Variants in NALCN observed in about 807,000 individuals in gnomAD.
The protein encoded by NALCN is sodium leak channel NALCN.
Under a neutral mutation model 225.3 loss-of-function variants are expected in NALCN, and 111 were observed. The observed-to-expected ratio is 0.49, with a 90% CI of 0.42 to 0.58. The LOEUF (loss-of-function observed/expected upper bound fraction) is 0.58, where lower values mean the gene tolerates loss of function less well. Among genes scored for constraint, NALCN ranks in the 20% least tolerant of loss-of-function variants. The probability of loss-of-function intolerance (pLI) is 0.00; values close to 1 mark genes in which losing one functional copy is unlikely to be tolerated. For missense variants in NALCN, 1,378 were observed against 2,202.4 expected (o/e 0.63, Z 7.49); for synonymous variants, 764 against 769.0 (o/e 0.99, Z 0.11).
At chr13:101,319,267 A>G (rs1257760510) in intron 7 of NALCN, among the ~76,000 whole-genome samples, 2 of 152,150 alleles carry the variant, frequency 1.3e-5, no homozygotes, top group African/African-American at 2.4e-5. Flanking sequence ...GAACCTCATT[A>G]TCAGGACCTC....
chr13:101,065,634 A>T, intron 39 of NALCN, 73 bp from the exon 40 acceptor site: 2 of 1,544,512 alleles, frequency 1.3e-6, no homozygotes, highest in Non-Finnish European at 1.7e-6. Flanking sequence ...AAAAGAAAAA[A>T]AAAAAGGTGC....
At chr13:101,191,895 G>GAAA in intron 14 of NALCN, 22 bp downstream of exon 14, 1 of 1,568,378 alleles carries the variant, frequency 6.4e-7, no homozygotes, top group Non-Finnish European at 8.6e-7. Context: ...AGATATAATT[G>GAAA]AAAAAAAAAT....
intron 31 of NALCN, 139 bp downstream of exon 31, chr13:101,083,572 G>A: frequency 1.3e-6 from 1 of 760,160 alleles, no homozygotes; most frequent in Non-Finnish European, 2.1e-6. Context: ...GAGATCTGTG[G>A]TTTGGAGCCT....
intron 11 of NALCN, among the ~76,000 whole-genome samples, chr13:101,249,020 C>G (rs977178227): frequency 1.3e-5 from 2 of 152,062 alleles, no homozygotes; most frequent in African/African-American, 4.8e-5. Context: ...TAAGGGTAAT[C>G]TTGTAGAGGA....
intron 17 of NALCN, among the ~76,000 whole-genome samples, chr13:101,131,913 A>G (rs887949357): frequency 4.6e-5 from 7 of 152,044 alleles, no homozygotes; most frequent in Admixed American, 3.9e-4. Context: ...TTGAATTTTA[A>G]AGTAGATTTA....
chr13:101,406,268 A>G (rs988988776), intron 1 of NALCN, among the ~76,000 whole-genome samples: 6 of 152,010 alleles, frequency 3.9e-5, no homozygotes, highest in African/African-American at 1.2e-4. Flanking sequence ...AGAGGCTGCA[A>G]TGAGCCAAGA....
At chr13:101,109,243 T>C (rs910355670) in intron 20 of NALCN, among the ~76,000 whole-genome samples, 18 of 152,308 alleles carry the variant, frequency 1.2e-4, no homozygotes, top group African/African-American at 3.6e-4. Flanking sequence ...TTGGATTTGA[T>C]GGCAATTCTA....
chr13:101,326,982 G>T (rs2044977023), intron 7 of NALCN, among the ~76,000 whole-genome samples: 1 of 152,182 alleles, frequency 6.6e-6, no homozygotes, highest in African/African-American at 2.4e-5. Context: ...GAGCCGCAGG[G>T]CCTCGTGGGA....
intron 7 of NALCN, among the ~76,000 whole-genome samples, chr13:101,336,059 T>C (rs957788140): frequency 3.3e-5 from 5 of 152,054 alleles, no homozygotes; most frequent in Non-Finnish European, 7.4e-5. Flanking sequence ...ATAAAAATAA[T>C]AGAATACTAA....
intron 10 of NALCN, among the ~76,000 whole-genome samples, chr13:101,268,593 C>T (rs950902551): frequency 2.6e-5 from 4 of 152,112 alleles, no homozygotes; most frequent in Non-Finnish European, 5.9e-5. Flanking sequence ...AATCATAATG[C>T]CATGGCAGTC....
intron 7 of NALCN, among the ~76,000 whole-genome samples, chr13:101,340,978 T>C (rs1455769153): frequency 2.0e-5 from 3 of 152,190 alleles, no homozygotes; most frequent in Non-Finnish European, 4.4e-5. Flanking sequence ...TCTCATCTCA[T>C]GACAAGTATG....
At chr13:101,306,689 C>T (rs1173972606) in intron 7 of NALCN, among the ~76,000 whole-genome samples, 1 of 152,190 alleles carries the variant, frequency 6.6e-6, no homozygotes, top group Non-Finnish European at 1.5e-5. Flanking sequence ...TCATGAATTG[C>T]TGTGGGTCAG....
At chr13:101,114,789 T>C (rs1360004593) in intron 18 of NALCN, among the ~76,000 whole-genome samples, 2 of 152,194 alleles carry the variant, frequency 1.3e-5, no homozygotes, top group Non-Finnish European at 2.9e-5. Context: ...ATGCGGTTAT[T>C]ATCACTGCCT....
rs139942860 is a variant in NALCN, at chr13:101,340,140, C to T, written c.799+5126G>A. Among the ~76,000 whole-genome samples, 866 of 152,064 alleles carry T rather than the reference C, an allele frequency of 5.7e-3. 4 individuals are homozygous for T. The highest frequency in any genetic ancestry group is 0.011 in the Admixed American group (161 of 15,278). On this transcript the variant is annotated intron_variant, in intron 7 of 43. Transcript: ENST00000251127. Reference sequence around the variant, plus strand: ...AAAATTAGCCAGGCATGGTGATGGGCGCCTGTAGTCCCAGCTAACTGGGAG... The same window carrying T: ...AAAATTAGCCAGGCATGGTGATGGGTGCCTGTAGTCCCAGCTAACTGGGAG...
chr13:101,285,739 C>T (rs117077492), intron 9 of NALCN, among the ~76,000 whole-genome samples: 1,690 of 117,952 alleles, frequency 0.014, 16 homozygotes, highest in Non-Finnish European at 0.021. Context: ...TCCTGAATAG[C>T]TCATTCTGAG....
At position 101,397,586 on chromosome 13, in the gene NALCN, A is replaced by G. The variant is rs2047350841; in HGVS notation, c.108+1433T>C. On this transcript the variant is annotated intron_variant, in intron 2 of 43. Coordinates refer to ENST00000251127, the MANE Select transcript of NALCN (RefSeq NM_052867.4). ...GTTAACACATATAACATATATGTGT[A>G]TGTGTAATGTGTATATATGTGATAT... Among the ~76,000 whole-genome samples, 4 of 151,228 alleles carry G rather than the reference A, an allele frequency of 2.6e-5. No individual in the cohort carries two copies. The South Asian group carries it at 6.2e-4, about 24-fold the overall frequency.
intron 3 of NALCN, among the ~76,000 whole-genome samples, chr13:101,392,465 T>G (rs2047173646): frequency 1.3e-5 from 2 of 152,238 alleles, no homozygotes; most frequent in Admixed American, 1.3e-4. Flanking sequence ...CTAGTTGTGC[T>G]ACAACTCTCA....
Position 101,412,167 on chromosome 13 carries a change from T to C in NALCN, c.-40+4146A>G, listed in dbSNP as rs78698518. On this transcript the variant is annotated intron_variant, in intron 1 of 43. Coordinates refer to ENST00000251127, the MANE Select transcript of NALCN (RefSeq NM_052867.4). Reference sequence around the variant, plus strand: ...TGATAACTTATTTTCATCTGAAGATTTGGATTGTTTTTAATCTAAAAGAAA... The same window carrying C: ...TGATAACTTATTTTCATCTGAAGATCTGGATTGTTTTTAATCTAAAAGAAA... 5.0e-3 allele frequency among the ~76,000 whole-genome samples: 769 copies of C among 152,316 alleles called. 9 individuals are homozygous for C. Among genetic ancestry groups the C allele is most frequent in the African/African-American group, 0.017 (725 of 41,562 alleles).
In NALCN at chr13:101,144,626, G is replaced by A. The variant is rs373720074; in HGVS notation, c.1976+134C>T. 146 of 737,384 alleles carry A rather than the reference G, an allele frequency of 2.0e-4. 1 individual carries two copies. The South Asian group carries it at 3.2e-3, about 16-fold the overall frequency. 45.7% of individuals were successfully genotyped at this position (737,384 alleles called of 1,614,324 possible). On this transcript the variant is annotated intron_variant, in intron 16 of 43. Transcript: ENST00000251127. ...TTTATTTATTTTAAATAGAGGTAGA[G>A]GTAGTAGAAAGATGACAATAAAATA...
Sources: gnomAD v4.1 joint callset for allele counts (sites outside exome capture counted in the v4.1 genomes callset) on GRCh38, gnomAD v4.1.1 for gene constraint, MANE v1.5 for transcripts, NCBI Gene and HGNC (gene_info 2026-07-23, HGNC 2026-07-21) for gene names.